CSMD1: variants seen among roughly 807,000 people sequenced by gnomAD.
The protein encoded by CSMD1 is CUB and sushi domain-containing protein 1.
CSMD1 carries 213 observed loss-of-function variants against 417.5 expected under a neutral mutation model. That is an observed-to-expected ratio of 0.51 (90% CI 0.46 to 0.57). CSMD1 has a LOEUF of 0.57. Ranked by LOEUF, CSMD1 falls within the 20% of genes least tolerant of loss-of-function variation. CSMD1 has a pLI of 0.00. For synonymous variants in CSMD1, 2,862 were observed against 1,736.8 expected (o/e 1.65, Z -16.11); for missense variants, 6,923 against 4,529.7 (o/e 1.53, Z -15.17).
chr8:4,692,120 G>C (rs1219671614), intron 1 of CSMD1, among the ~76,000 whole-genome samples: 1 of 152,058 alleles, frequency 6.6e-6, no homozygotes, highest in Non-Finnish European at 1.5e-5. Context: ...CTGGTACTCA[G>C]CCCAGGGGCT....
intron 1 of CSMD1, among the ~76,000 whole-genome samples, chr8:4,850,776 G>C (rs1478801958): frequency 6.6e-6 from 1 of 151,926 alleles, no homozygotes; most frequent in Non-Finnish European, 1.5e-5. Context: ...CCCAAACCTA[G>C]TGGCTTGCCT....
intron 54 of CSMD1, among the ~76,000 whole-genome samples, chr8:2,991,259 C>G (rs1334703205): frequency 6.6e-6 from 1 of 152,166 alleles, no homozygotes; most frequent in African/African-American, 2.4e-5. Flanking sequence ...ATACACATGG[C>G]ACTCTGATAA....
At chr8:4,167,888 G>C (rs761434327) in intron 3 of CSMD1, among the ~76,000 whole-genome samples, 1 of 152,084 alleles carries the variant, frequency 6.6e-6, no homozygotes, top group Non-Finnish European at 1.5e-5. Context: ...AGCACTTTGG[G>C]AGGCTGAGGC....
chr8:4,260,310 T>A (rs530316455), intron 3 of CSMD1, among the ~76,000 whole-genome samples: 1 of 152,376 alleles, frequency 6.6e-6, no homozygotes, highest in South Asian at 2.1e-4. Flanking sequence ...TTTCCTCTTT[T>A]ATGATGTGTC....
At chr8:4,372,491 C>A (rs560474433) in intron 3 of CSMD1, among the ~76,000 whole-genome samples, 6 of 151,466 alleles carry the variant, frequency 4.0e-5, no homozygotes, top group African/African-American at 9.7e-5. Flanking sequence ...AAAACAACAA[C>A]AACAAAAAAC....
intron 26 of CSMD1, among the ~76,000 whole-genome samples, chr8:3,276,712 A>C (rs773108333): frequency 6.6e-6 from 1 of 152,192 alleles, no homozygotes; most frequent in Non-Finnish European, 1.5e-5. Context: ...ATTTTGAATT[A>C]AGCTCAGCTC....
chr8:3,618,494 A>G (rs189056685), intron 7 of CSMD1, among the ~76,000 whole-genome samples: 28 of 152,150 alleles, frequency 1.8e-4, no homozygotes, highest in Admixed American at 1.2e-3. Context: ...ACATCTAAAC[A>G]TTATTTTGCT....
intron 2 of CSMD1, among the ~76,000 whole-genome samples, chr8:4,488,302 C>T (rs1278437993): frequency 1.3e-5 from 2 of 152,124 alleles, no homozygotes; most frequent in African/African-American, 4.8e-5. Context: ...CATATAACCA[C>T]AGGAGTAGTT....
rs1027558415 is a variant in CSMD1, at chr8:3,848,061, G to A, written c.819-94019C>T. Among the ~76,000 whole-genome samples, 164 of 142,232 alleles carry A rather than the reference G, an allele frequency of 1.2e-3. 1 individual carries two copies. Among genetic ancestry groups the A allele is most frequent in the African/African-American group, 4.5e-3 (157 of 35,102 alleles). The allele number at this position is 142,232 out of a possible 152,430, so 93.3% of individuals were successfully genotyped here. A position where few individuals can be genotyped will look rare whatever the true frequency, so the allele number is the denominator to read the frequency against. On this transcript the variant is annotated intron_variant, in intron 5 of 69. Transcript: ENST00000635120. The stretch of plus-strand genomic sequence containing the variant: ...TTTTGTCTAATCTTCTTACCATCCT[G>A]GTGATATTTCTCTCTCTCTCTCTCT...
Position 3,745,524 on chromosome 8 carries a change from T to A in CSMD1, c.931+8406A>T, listed in dbSNP as rs550897859. Among the ~76,000 whole-genome samples the A allele has an allele frequency of 1.1e-4, 16 of 152,344 alleles. No homozygotes were observed. In the South Asian group the frequency reaches 3.3e-3, roughly 32 times the overall value. On this transcript the variant is annotated intron_variant, in intron 6 of 69. Coordinates refer to ENST00000635120, the MANE Select transcript of CSMD1 (RefSeq NM_033225.6). ...TACAACAGGAAACTCGCCCAGGATCTAATCATCACAATTTTCAGTGGTTGC... is the reference window on the plus strand; with the variant it reads ...TACAACAGGAAACTCGCCCAGGATCAAATCATCACAATTTTCAGTGGTTGC...
intron 5 of CSMD1, among the ~76,000 whole-genome samples, chr8:3,767,497 C>A (rs947358935): frequency 6.6e-6 from 1 of 152,312 alleles, no homozygotes; most frequent in Admixed American, 6.5e-5. Context: ...CTACTTCCCC[C>A]AACCTAACTA....
chr8:3,289,920 G>C lies in CSMD1; in HGVS notation c.3951-5574C>G, dbSNP rs145186262. On this transcript the variant is annotated intron_variant, in intron 25 of 69. Coordinates refer to ENST00000635120, the MANE Select transcript of CSMD1 (RefSeq NM_033225.6). ...CTTACCCATGCCTGTGTCCTGAATG[G>C]TATTGTTTAGGTTTTCTTCTAGGGT... 3.0e-4 allele frequency among the ~76,000 whole-genome samples: 44 copies of C among 147,580 alleles called. 1 individual carries two copies. The highest frequency in any genetic ancestry group is 1.7e-3 in the Admixed American group (25 of 15,000).
intron 48 of CSMD1, among the ~76,000 whole-genome samples, chr8:3,089,061 G>C (rs1448466779): frequency 6.6e-6 from 1 of 152,142 alleles, no homozygotes; most frequent in Non-Finnish European, 1.5e-5. Flanking sequence ...CTTAGGATAA[G>C]ACATGAAGGG....
intron 3 of CSMD1, among the ~76,000 whole-genome samples, chr8:4,044,047 T>G (rs1327143590): frequency 6.6e-6 from 1 of 152,138 alleles, no homozygotes; most frequent in Non-Finnish European, 1.5e-5. Context: ...GCTGAATAAT[T>G]AGGAGACTGG....
At chr8:3,496,758 G>C (rs1796381165) in intron 10 of CSMD1, among the ~76,000 whole-genome samples, 3 of 151,990 alleles carry the variant, frequency 2.0e-5, no homozygotes, top group Admixed American at 6.6e-5. Flanking sequence ...CCTGGGAGGT[G>C]GAGGTTGCAG....
chr8:3,573,969 T>TA (rs1198307876), intron 10 of CSMD1, among the ~76,000 whole-genome samples: 5 of 152,178 alleles, frequency 3.3e-5, no homozygotes, highest in African/African-American at 2.4e-5. Flanking sequence ...TAAAAGGAGT[T>TA]AAAAAAATTC....
rs1468718995 is a variant in CSMD1, at chr8:4,467,753, T to C, written c.303-47688A>G. Among the ~76,000 whole-genome samples the C allele has an allele frequency of 2.6e-5, 4 of 152,150 alleles. No homozygotes were observed. The East Asian group carries it at 7.7e-4, about 29-fold the overall frequency. ...AATGGTAAAGCTAAAGCTAACAAAA[T>C]ATTTACCGTAGAAAGCACCTTGCAT... On this transcript the variant is annotated intron_variant, in intron 2 of 69. Transcript: ENST00000635120.
intron 3 of CSMD1, among the ~76,000 whole-genome samples, chr8:4,037,776 G>C (rs1157016478): frequency 6.6e-6 from 1 of 152,018 alleles, no homozygotes; most frequent in Admixed American, 6.5e-5. Context: ...TAATAGTTCT[G>C]AGGGCCTTGA....
intron 3 of CSMD1, among the ~76,000 whole-genome samples, chr8:4,373,749 CTTA>C (rs1399865861): frequency 6.6e-6 from 1 of 152,192 alleles, no homozygotes. Flanking sequence ...ACTGTGCCAT[CTTA>C]TTATCAGGTT....
Sources: gnomAD v4.1 joint callset for allele counts (sites outside exome capture counted in the v4.1 genomes callset) on GRCh38, gnomAD v4.1.1 for gene constraint, MANE v1.5 for transcripts, NCBI Gene and HGNC (gene_info 2026-07-23, HGNC 2026-07-21) for gene names.